Variants in DOCK4 observed in about 807,000 individuals in gnomAD.
The protein encoded by DOCK4 is dedicator of cytokinesis 4.
In DOCK4, 97 loss-of-function variants were observed where a neutral mutation model predicts 268.1. That is an observed-to-expected ratio of 0.36 (90% confidence interval 0.31 to 0.43). The LOEUF (loss-of-function observed/expected upper bound fraction) is 0.43, where lower values mean the gene tolerates loss of function less well. Among genes scored for constraint, DOCK4 ranks in the 20% least tolerant of loss-of-function variants. The pLI, the probability that DOCK4 is intolerant of heterozygous loss-of-function variation, is 1.00. For missense variants in DOCK4, 2,145 were observed against 2,455.7 expected (o/e 0.87, Z 2.67); for synonymous variants, 954 against 887.2 (o/e 1.08, Z -1.34).
At chr7:112,025,867 G>C (rs1445944048) in intron 1 of DOCK4, among the ~76,000 whole-genome samples, 3 of 152,116 alleles carry the variant, frequency 2.0e-5, no homozygotes, top group East Asian at 3.9e-4. Flanking sequence ...ACTCAACTGA[G>C]AGAGTGTCCC....
chr7:111,767,580 T>C (rs1797844518), intron 37 of DOCK4, among the ~76,000 whole-genome samples: 1 of 152,160 alleles, frequency 6.6e-6, no homozygotes, highest in Non-Finnish European at 1.5e-5. Context: ...CACCATGTAA[T>C]TGAAATGTAA....
intron 1 of DOCK4, chr7:112,023,549 C>T: frequency 4.9e-6 from 2 of 405,864 alleles, no homozygotes; most frequent in Non-Finnish European, 9.7e-6. Flanking sequence ...ATCATGCCTT[C>T]CGGATCAGAG....
intron 30 of DOCK4, among the ~76,000 whole-genome samples, chr7:111,795,490 C>T (rs1480196559): frequency 6.6e-6 from 1 of 152,116 alleles, no homozygotes; most frequent in Non-Finnish European, 1.5e-5. Context: ...TAAGAGTACA[C>T]AGAGGTTAAA....
intron 1 of DOCK4, among the ~76,000 whole-genome samples, chr7:112,042,909 G>T (rs954218772): frequency 6.6e-5 from 10 of 152,176 alleles, no homozygotes; most frequent in African/African-American, 2.2e-4. Flanking sequence ...AAAGCGGGTT[G>T]TTACAAAGCA....
chr7:111,781,642 A>G (rs1418186148), intron 35 of DOCK4, among the ~76,000 whole-genome samples: 3 of 152,158 alleles, frequency 2.0e-5, no homozygotes, highest in Admixed American at 2.0e-4. Context: ...TAGATTAAAA[A>G]TGTGGAGGAG....
At chr7:111,752,186 G>A (rs1308260646) in intron 42 of DOCK4, among the ~76,000 whole-genome samples, 2 of 152,212 alleles carry the variant, frequency 1.3e-5, no homozygotes, top group African/African-American at 4.8e-5. Context: ...ACATGTAGAT[G>A]AAACAAAATT....
At chr7:112,094,369 A>G (rs2135777230) in intron 1 of DOCK4, among the ~76,000 whole-genome samples, 1 of 152,352 alleles carries the variant, frequency 6.6e-6, no homozygotes, top group Admixed American at 6.5e-5. Context: ...CCCAAATGAT[A>G]GTTATATCAA....
chr7:112,053,253 T>C (rs1484528423), intron 1 of DOCK4, among the ~76,000 whole-genome samples: 2 of 152,072 alleles, frequency 1.3e-5, no homozygotes, highest in Non-Finnish European at 2.9e-5. Context: ...TCAGATCAGG[T>C]TCAAGGATTT....
At chr7:112,193,491 G>A (rs1820153773) in intron 1 of DOCK4, among the ~76,000 whole-genome samples, 1 of 151,234 alleles carries the variant, frequency 6.6e-6, no homozygotes, top group South Asian at 2.1e-4. Flanking sequence ...CCCAACTACT[G>A]AGAAGGCTGA....
At chr7:112,174,842 T>C (rs1452158925) in intron 1 of DOCK4, among the ~76,000 whole-genome samples, 3 of 152,144 alleles carry the variant, frequency 2.0e-5, no homozygotes, top group African/African-American at 7.2e-5. Flanking sequence ...ATCTCAATGT[T>C]TTAAAAAGTG....
chr7:111,945,075 T>G (rs1216880479), intron 9 of DOCK4, among the ~76,000 whole-genome samples: 1 of 152,252 alleles, frequency 6.6e-6, no homozygotes, highest in African/African-American at 2.4e-5. Flanking sequence ...AGTAATACTT[T>G]AAAGAAGAGA....
At chr7:112,181,976 T>A (rs1346369452) in intron 1 of DOCK4, among the ~76,000 whole-genome samples, 1 of 152,156 alleles carries the variant, frequency 6.6e-6, no homozygotes, top group African/African-American at 2.4e-5. Flanking sequence ...AATCACCATA[T>A]CACTAATCTT....
rs1806240998 is a variant in DOCK4 at position 111,869,449 on chromosome 7, C to T, written c.2109+125G>A. 1.7e-5 allele frequency: 14 copies of T among 842,396 alleles called. No homozygotes were observed. In the South Asian group the frequency reaches 2.0e-4, roughly 12 times the overall value. 52.2% of individuals were successfully genotyped at this position (842,396 alleles called of 1,614,324 possible). Reference sequence around the variant, plus strand: ...CAAGCAGTCACAAACTGATTAAGATCCTTGAATTGGAATGTCAGTAATACA... The same window carrying T: ...CAAGCAGTCACAAACTGATTAAGATTCTTGAATTGGAATGTCAGTAATACA... On this transcript the variant is annotated intron_variant, in intron 21 of 52. Transcript: ENST00000428084.
intron 1 of DOCK4, among the ~76,000 whole-genome samples, chr7:112,154,713 G>T (rs890374066): frequency 6.6e-6 from 1 of 152,170 alleles, no homozygotes; most frequent in South Asian, 2.1e-4. Flanking sequence ...TTGACAAAGG[G>T]AAGACACTTC....
chr7:111,728,522 G>C lies in DOCK4; in HGVS notation c.5680C>G (p.Pro1894Ala), dbSNP rs200008934. Reference sequence around the variant, plus strand: ...ACTGGCTCCTCCCCGCCGTAGCTCGGCACGGGCACCGGCACTGGCACCGGC... The same window carrying C: ...ACTGGCTCCTCCCCGCCGTAGCTCGCCACGGGCACCGGCACTGGCACCGGC... The part of the protein sequence containing the change: ...PLPVPVPVPV[P>A]SYGGEEPVRK... The change falls in exon 53 of 53, where the codon CCG (proline) becomes GCG (alanine). Residue 1894 changes from proline to alanine, a missense_variant. By Grantham distance (27) the Pro-to-Ala change is conservative. This residue lies in a region of DOCK4 where 547 missense variants were observed against 469.0 expected (regional missense o/e 1.17). Coordinates refer to ENST00000428084, the MANE Select transcript of DOCK4 (RefSeq NM_001363540.2). 1.6e-4 allele frequency: 264 copies of C among 1,613,304 alleles called. No individual in the cohort carries two copies. The highest frequency in any genetic ancestry group is 6.3e-5 in the Non-Finnish European group (74 of 1,179,850).
chr7:111,890,630 G>A (rs775806801), intron 16 of DOCK4, among the ~76,000 whole-genome samples: 3 of 152,148 alleles, frequency 2.0e-5, no homozygotes, highest in African/African-American at 4.8e-5. Flanking sequence ...CTTAGACCCT[G>A]CCTAAAAGGT....
chr7:112,067,781 T>G lies in DOCK4; in HGVS notation c.38-63650A>C, dbSNP rs184096443. 1.4e-3 allele frequency among the ~76,000 whole-genome samples: 212 copies of G among 152,264 alleles called. 4 individuals carry two copies. The highest frequency in any genetic ancestry group is 4.8e-3 in the African/African-American group (200 of 41,538). ...AAACACACCTTCAAAGGCTACCACTTGAAATCCCCAGGAAACGTTTCAATG... is the reference window on the plus strand; with the variant it reads ...AAACACACCTTCAAAGGCTACCACTGGAAATCCCCAGGAAACGTTTCAATG... On this transcript the variant is annotated intron_variant, in intron 1 of 52. Transcript: ENST00000428084.
In DOCK4 at chr7:111,728,405, CG is replaced by C; in HGVS notation, c.5796del (p.Val1933SerfsTer70). The C allele has an allele frequency of 6.4e-7, 1 of 1,566,614 alleles. No individual in the cohort carries two copies. Among genetic ancestry groups the C allele is most frequent in the Non-Finnish European group, 8.7e-7 (1 of 1,154,688 alleles). On this transcript the variant is annotated frameshift_variant, in exon 53 of 53. Coordinates refer to ENST00000428084, the MANE Select transcript of DOCK4 (RefSeq NM_001363540.2). LOFTEE classifies it high-confidence loss of function. Reference protein sequence around the residue: ...PVPLPHSLSIPVTSEPPALPP... With the variant: ...PVPLPHSLSIXVTSEPPALPP... ...GGCAGCGCGGGCGGCTCCGACGTGA[CG>C]GGGATGGAGAGGCTGTGAGGTAGCG...
chr7:112,148,134 C>T (rs1815695501), intron 1 of DOCK4, among the ~76,000 whole-genome samples: 1 of 151,876 alleles, frequency 6.6e-6, no homozygotes, highest in African/African-American at 2.4e-5. Context: ...CCTGGAAAGA[C>T]AGAAAAGCTA....
Sources: allele counts gnomAD v4.1 joint callset (sites outside exome capture counted in the v4.1 genomes callset), GRCh38; gene constraint gnomAD v4.1.1; regional missense constraint gnomAD v4.1.1; transcripts MANE v1.5; gene names NCBI Gene and HGNC (gene_info 2026-07-23, HGNC 2026-07-21).